The following GRID2 variants were observed in gnomAD, a reference collection of about 807,000 sequenced individuals.
GRID2 encodes glutamate ionotropic receptor delta type subunit 2.
A neutral mutation model predicts 114.8 loss-of-function variants in GRID2; 33 were observed. That is an observed-to-expected ratio of 0.29 (90% CI 0.22 to 0.38). The LOEUF (loss-of-function observed/expected upper bound fraction) is 0.38. Among genes scored for constraint, GRID2 ranks in the 10% least tolerant of loss-of-function variants. The pLI, the probability that GRID2 is intolerant of heterozygous loss-of-function variation, is 1.00. For synonymous variants in GRID2, 505 were observed against 449.9 expected (o/e 1.12, Z -1.55); for missense variants, 1,184 against 1,257.7 (o/e 0.94, Z 0.89).
Position 92,869,567 on chromosome 4 carries a change from A to G in GRID2, c.245-215428A>G, listed in dbSNP as rs143582556. ...GGTAGATCTAACATTCTTTTTTAAA[A>G]TTAATTAATGGGGGAATGAATAAAT... On this transcript the variant is annotated intron_variant, in intron 2 of 15. Coordinates refer to ENST00000282020, the MANE Select transcript of GRID2 (RefSeq NM_001510.4). Among the ~76,000 whole-genome samples the G allele has an allele frequency of 2.5e-3, 380 of 152,270 alleles. 2 individuals are homozygous for G. The highest frequency in any genetic ancestry group is 8.7e-3 in the African/African-American group (363 of 41,554).
chr4:93,694,379 G>A (rs371620169), intron 14 of GRID2, among the ~76,000 whole-genome samples: 4 of 152,178 alleles, frequency 2.6e-5, no homozygotes, highest in Admixed American at 2.0e-4. Flanking sequence ...CATTCAGTAG[G>A]TCTTCCACAT....
chr4:93,136,872 G>C (rs746834265), intron 4 of GRID2, among the ~76,000 whole-genome samples: 18 of 152,076 alleles, frequency 1.2e-4, no homozygotes, highest in Non-Finnish European at 2.2e-4. Context: ...AAATCTTAAA[G>C]GCAAGGTAAC....
intron 13 of GRID2, among the ~76,000 whole-genome samples, chr4:93,547,759 C>T (rs917853051): frequency 5.3e-5 from 8 of 152,140 alleles, no homozygotes; most frequent in Non-Finnish European, 8.8e-5. Flanking sequence ...CTCTCAGCCA[C>T]GTACCTGACC....
intron 2 of GRID2, among the ~76,000 whole-genome samples, chr4:92,709,818 A>G (rs1195527414): frequency 6.6e-6 from 1 of 151,814 alleles, no homozygotes; most frequent in Non-Finnish European, 1.5e-5. Flanking sequence ...TTCCTTTCTC[A>G]GATTCAGAGT....
At chr4:93,065,168 G>GA (rs1008219377) in intron 2 of GRID2, among the ~76,000 whole-genome samples, 1 of 151,586 alleles carries the variant, frequency 6.6e-6, no homozygotes, top group African/African-American at 2.4e-5. Context: ...GGTGAGTAGA[G>GA]AAAAAAACCC....
intron 2 of GRID2, among the ~76,000 whole-genome samples, chr4:92,824,114 G>T (rs976090373): frequency 6.6e-6 from 1 of 152,114 alleles, no homozygotes; most frequent in African/African-American, 2.4e-5. Flanking sequence ...TGAAGGTTAG[G>T]CCAGGTGAAC....
At chr4:93,462,532 T>G (rs1723846292) in intron 11 of GRID2, among the ~76,000 whole-genome samples, 1 of 152,124 alleles carries the variant, frequency 6.6e-6, no homozygotes, top group Non-Finnish European at 1.5e-5. Context: ...CAAGACAATT[T>G]TTGGAAGAAA....
intron 1 of GRID2, among the ~76,000 whole-genome samples, chr4:92,499,906 C>T (rs186880806): frequency 6.6e-6 from 1 of 152,214 alleles, no homozygotes; most frequent in South Asian, 2.1e-4. Context: ...TGCGCCATTG[C>T]GCCTGGCCTA....
At chr4:93,315,103 A>G (rs1420616531) in intron 8 of GRID2, among the ~76,000 whole-genome samples, 1 of 152,158 alleles carries the variant, frequency 6.6e-6, no homozygotes, top group Non-Finnish European at 1.5e-5. Flanking sequence ...GTGGCATGTA[A>G]GAGAGAGCAT....
intron 2 of GRID2, among the ~76,000 whole-genome samples, chr4:92,670,101 A>G (rs1732985340): frequency 6.6e-6 from 1 of 152,100 alleles, no homozygotes; most frequent in Non-Finnish European, 1.5e-5. Flanking sequence ...GGACTTTACT[A>G]GGCTGTATAC....
chr4:92,320,879 T>C (rs1726279464), intron 1 of GRID2, among the ~76,000 whole-genome samples: 1 of 152,172 alleles, frequency 6.6e-6, no homozygotes. Context: ...TTTAAGAGAA[T>C]GGCACCATTA....
At chr4:92,589,283 G>A (rs911258092) in intron 1 of GRID2, among the ~76,000 whole-genome samples, 3 of 152,204 alleles carry the variant, frequency 2.0e-5, no homozygotes, top group Non-Finnish European at 2.9e-5. Context: ...TACACACAAC[G>A]TGAGGTTTAG....
At chr4:93,798,524 T>C (rs1734853598) in intron 1 of GRID2, among the ~76,000 whole-genome samples, 1 of 152,156 alleles carries the variant, frequency 6.6e-6, no homozygotes, top group Non-Finnish European at 1.5e-5. Flanking sequence ...ATGATCGGAT[T>C]CCCCAAGTCA....
intron 2 of GRID2, among the ~76,000 whole-genome samples, chr4:92,891,925 T>G (rs916407212): frequency 4.6e-5 from 7 of 152,228 alleles, no homozygotes; most frequent in African/African-American, 1.7e-4. Context: ...AATATTGCAT[T>G]AACATATTGA....
chr4:92,642,871 C>T (rs1348050312), intron 2 of GRID2, among the ~76,000 whole-genome samples: 2 of 151,516 alleles, frequency 1.3e-5, no homozygotes, highest in African/African-American at 2.4e-5. Flanking sequence ...CATTCTTCTG[C>T]ATGCTTGTTT....
chr4:92,317,114 G>T (rs1726028299), intron 1 of GRID2, among the ~76,000 whole-genome samples: 1 of 151,802 alleles, frequency 6.6e-6, no homozygotes, highest in East Asian at 1.9e-4. Context: ...TGATTTCTTG[G>T]GTATAGAAAA....
At chr4:92,392,312 G>A (rs1262202590) in intron 1 of GRID2, among the ~76,000 whole-genome samples, 6 of 151,980 alleles carry the variant, frequency 3.9e-5, no homozygotes, top group Non-Finnish European at 8.8e-5. Flanking sequence ...ACTTTGGGAG[G>A]CCAAGGTCAC....
At chr4:93,807,405 C>G (rs547982050) in exon 2 of GRID2, 9 of 152,172 alleles carry the variant, frequency 5.9e-5, no homozygotes, top group Non-Finnish European at 1.3e-4. Context: ...GGTTTTATCA[C>G]AGAATTCTCT....
chr4:93,357,810 T>G (rs1761494621), intron 8 of GRID2, among the ~76,000 whole-genome samples: 1 of 151,726 alleles, frequency 6.6e-6, no homozygotes, highest in Non-Finnish European at 1.5e-5. Context: ...AGTCACTAAT[T>G]GAGTAATCCA....
Sources: gnomAD v4.1 joint callset for allele counts (sites outside exome capture counted in the v4.1 genomes callset) on GRCh38, gnomAD v4.1.1 for gene constraint, MANE v1.5 for transcripts, NCBI Gene and HGNC (gene_info 2026-07-23, HGNC 2026-07-21) for gene names.